Variants in LIN28B observed in about 807,000 individuals in gnomAD.
LIN28B encodes protein lin-28 homolog B.
Under a neutral mutation model 21.9 loss-of-function variants are expected in LIN28B, and 5 were observed. That is an observed-to-expected ratio of 0.23 (90% CI 0.12 to 0.48). The LOEUF (loss-of-function observed/expected upper bound fraction) is 0.48. Ranked by LOEUF, LIN28B falls within the 20% of genes least tolerant of loss-of-function variation. The probability of loss-of-function intolerance (pLI) is 0.98; values close to 1 mark genes in which losing one functional copy is unlikely to be tolerated. For synonymous variants in LIN28B, 109 were observed against 111.3 expected (o/e 0.98, Z 0.13); for missense variants, 245 against 310.5 (o/e 0.79, Z 1.58).
intron 3 of LIN28B, among the ~76,000 whole-genome samples, chr6:105,028,605 A>G (rs1306811986): frequency 6.6e-6 from 1 of 152,210 alleles, no homozygotes; most frequent in Non-Finnish European, 1.5e-5. Flanking sequence ...TTTTTGGCCT[A>G]TACAACAGGA....
chr6:105,026,577 C>A, intron 3 of LIN28B, 95 bp downstream of exon 3: 1 of 749,302 alleles, frequency 1.3e-6, no homozygotes, highest in Non-Finnish European at 2.2e-6. Flanking sequence ...ATTGTCTAGC[C>A]AAAGGAAACC....
At chr6:105,035,367 T>G (rs970025552) in intron 3 of LIN28B, among the ~76,000 whole-genome samples, 10 of 152,148 alleles carry the variant, frequency 6.6e-5, no homozygotes, top group African/African-American at 2.4e-4. Context: ...AATTTGCTGT[T>G]TAGTAGGTTC....
chr6:105,028,803 A>G (rs900498579), intron 3 of LIN28B, among the ~76,000 whole-genome samples: 1 of 152,200 alleles, frequency 6.6e-6, no homozygotes, highest in Non-Finnish European at 1.5e-5. Context: ...TAGCAAAAAG[A>G]TGATATTTAC....
At chr6:104,991,761 G>A (rs1310069097) in intron 2 of LIN28B, among the ~76,000 whole-genome samples, 2 of 152,202 alleles carry the variant, frequency 1.3e-5, no homozygotes, top group African/African-American at 2.4e-5. Flanking sequence ...CTGCAATCCC[G>A]GCACCCCAGG....
At chr6:104,961,279 T>TA (rs1769732613) in intron 2 of LIN28B, among the ~76,000 whole-genome samples, 1 of 152,188 alleles carries the variant, frequency 6.6e-6, no homozygotes, top group South Asian at 2.1e-4. Context: ...TTTAATAAAA[T>TA]AGGACAATTT....
intron 3 of LIN28B, among the ~76,000 whole-genome samples, chr6:105,049,587 A>T (rs1771849023): frequency 6.6e-6 from 1 of 152,086 alleles, no homozygotes; most frequent in Non-Finnish European, 1.5e-5. Context: ...GATCTGTCTA[A>T]TGTGGACAGT....
At chr6:105,051,968 CAG>C (rs1771916202) in intron 3 of LIN28B, among the ~76,000 whole-genome samples, 1 of 152,110 alleles carries the variant, frequency 6.6e-6, no homozygotes, top group South Asian at 2.1e-4. Context: ...TGTAAGGGGA[CAG>C]AGTAATAGTT....
chr6:105,019,709 T>C (rs1582899213), intron 2 of LIN28B, among the ~76,000 whole-genome samples: 1 of 152,348 alleles, frequency 6.6e-6, no homozygotes, highest in East Asian at 1.9e-4. Flanking sequence ...TGTGACTCCT[T>C]CAACTCAGTT....
chr6:104,944,690 A>C (rs1042454912), intron 2 of LIN28B, among the ~76,000 whole-genome samples: 1 of 152,134 alleles, frequency 6.6e-6, no homozygotes, highest in Non-Finnish European at 1.5e-5. Flanking sequence ...AAACCATTGT[A>C]GAAATTACCT....
In LIN28B at chr6:105,082,262, T is replaced by A. The variant is rs530737452; in HGVS notation, c.*3479T>A. On this transcript the variant is annotated 3_prime_UTR_variant, in exon 4 of 4. Transcript: ENST00000345080. ...AAAAAGATCAAGAAATGTCATGTTATTAGCATCAGTCCACCTCCAATATTG... is the reference window on the plus strand; with the variant it reads ...AAAAAGATCAAGAAATGTCATGTTAATAGCATCAGTCCACCTCCAATATTG... 1 of 152,778 alleles carries A rather than the reference T, an allele frequency of 6.5e-6. No homozygotes were observed. The highest frequency in any genetic ancestry group is 2.1e-4 in the South Asian group (1 of 4,824). The allele number at this position is 152,778 out of a possible 1,614,324, so 9.5% of individuals were successfully genotyped here.
At chr6:105,072,747 T>C (rs1023698885) in intron 3 of LIN28B, among the ~76,000 whole-genome samples, 6 of 152,190 alleles carry the variant, frequency 3.9e-5, no homozygotes, top group African/African-American at 9.6e-5. Context: ...TACAATCTTA[T>C]GAATTTGGTT....
At chr6:105,008,291 T>C (rs1770855148) in intron 2 of LIN28B, among the ~76,000 whole-genome samples, 1 of 152,182 alleles carries the variant, frequency 6.6e-6, no homozygotes. Context: ...CCATACAAAC[T>C]CTTTGCTAAA....
At chr6:105,002,037 A>G (rs1485904124) in intron 2 of LIN28B, among the ~76,000 whole-genome samples, 1 of 152,192 alleles carries the variant, frequency 6.6e-6, no homozygotes, top group Non-Finnish European at 1.5e-5. Context: ...ACATGTATCC[A>G]GCAACTTTAG....
chr6:104,940,796 C>T (rs1398194732), intron 2 of LIN28B: 1 of 151,478 alleles, frequency 6.6e-6, no homozygotes, highest in Non-Finnish European at 1.5e-5. Context: ...CGCGCGCCGC[C>T]CGGCTGTTCC....
chr6:105,056,692 G>A (rs761114658), intron 3 of LIN28B, among the ~76,000 whole-genome samples: 8 of 152,148 alleles, frequency 5.3e-5, no homozygotes, highest in Non-Finnish European at 5.9e-5. Context: ...CCTTAATTAC[G>A]AATAAGGAGG....
chr6:105,002,601 C>T (rs1471705654), intron 2 of LIN28B, among the ~76,000 whole-genome samples: 1 of 152,170 alleles, frequency 6.6e-6, no homozygotes, highest in East Asian at 1.9e-4. Flanking sequence ...TAGCTACCGT[C>T]TTGGACAGAG....
At chr6:105,065,340 T>C (rs1223959628) in intron 3 of LIN28B, among the ~76,000 whole-genome samples, 1 of 152,018 alleles carries the variant, frequency 6.6e-6, no homozygotes, top group Non-Finnish European at 1.5e-5. Context: ...ATTTTTAAGG[T>C]AAGACCTACA....
At chr6:104,997,801 C>T (rs573529648) in intron 2 of LIN28B, among the ~76,000 whole-genome samples, 14 of 152,230 alleles carry the variant, frequency 9.2e-5, no homozygotes, top group South Asian at 2.1e-4. Flanking sequence ...CTGACACTTC[C>T]GGGTTTATAT....
chr6:105,068,660 A>G (rs1313578567), intron 3 of LIN28B, among the ~76,000 whole-genome samples: 1 of 152,214 alleles, frequency 6.6e-6, no homozygotes, highest in Non-Finnish European at 1.5e-5. Flanking sequence ...CAATTATACT[A>G]ACTGAATTTT....
Sources: gnomAD v4.1 joint callset for allele counts (sites outside exome capture counted in the v4.1 genomes callset) on GRCh38, gnomAD v4.1.1 for gene constraint, MANE v1.5 for transcripts, NCBI Gene and HGNC (gene_info 2026-07-23, HGNC 2026-07-21) for gene names.